INSYN2B: variants seen among roughly 807,000 people sequenced by gnomAD.
The protein encoded by INSYN2B is protein INSYN2B.
Under a neutral mutation model 41.2 loss-of-function variants are expected in INSYN2B, and 16 were observed. That is an observed-to-expected ratio of 0.39 (90% CI 0.26 to 0.59). The LOEUF (loss-of-function observed/expected upper bound fraction) is 0.59. Ranked by LOEUF, INSYN2B falls within the 20% of genes least tolerant of loss-of-function variation. The probability of loss-of-function intolerance (pLI) is 0.57; values close to 1 mark genes in which losing one functional copy is unlikely to be tolerated. For synonymous variants in INSYN2B, 245 were observed against 244.4 expected, an observed-to-expected ratio of 1.00 and a Z score of -0.02; for missense variants, 608 against 646.4, an observed-to-expected ratio of 0.94 and a Z score of 0.64.
At chr5:169,888,521 T>C (rs1456025320) in intron 1 of INSYN2B, among the ~76,000 whole-genome samples, 1 of 152,204 alleles carries the variant, frequency 6.6e-6, no homozygotes, top group African/African-American at 2.4e-5. Flanking sequence ...GTCCATTCAG[T>C]AGATACAGAA....
chr5:169,944,448 G>A (rs1351834382), intron 1 of INSYN2B, among the ~76,000 whole-genome samples: 3 of 152,220 alleles, frequency 2.0e-5, no homozygotes, highest in Non-Finnish European at 4.4e-5. Context: ...CGTGACTCTG[G>A]AGAGATGCTG....
At chr5:169,903,512 T>G (rs1581389898) in intron 1 of INSYN2B, among the ~76,000 whole-genome samples, 2 of 100,586 alleles carry the variant, frequency 2.0e-5, no homozygotes, top group African/African-American at 4.1e-5. Flanking sequence ...TGGAAGAGAG[T>G]AGGAGCCAGC....
intron 3 of INSYN2B, among the ~76,000 whole-genome samples, chr5:169,865,250 C>T (rs1028010930): frequency 1.3e-5 from 2 of 152,116 alleles, no homozygotes; most frequent in Non-Finnish European, 2.9e-5. Context: ...TGCATTGTCC[C>T]GTGCTGATTA....
intron 1 of INSYN2B, among the ~76,000 whole-genome samples, chr5:169,974,816 C>T (rs1002421703): frequency 1.3e-5 from 2 of 151,930 alleles, no homozygotes; most frequent in African/African-American, 4.8e-5. Context: ...GTTCTTTTTG[C>T]AATCATATTT....
chr5:169,889,847 C>T (rs1396521964), intron 1 of INSYN2B, among the ~76,000 whole-genome samples: 1 of 152,224 alleles, frequency 6.6e-6, no homozygotes, highest in African/African-American at 2.4e-5. Context: ...CCGCTTTAGG[C>T]ACTGGGAAGT....
At position 169,867,423 on chromosome 5, in the gene INSYN2B, G is replaced by A. The variant is rs190438137; in HGVS notation, c.1422-2964C>T. Among the ~76,000 whole-genome samples, 60 of 148,526 alleles carry A rather than the reference G, an allele frequency of 4.0e-4. 1 individual carries two copies. In the East Asian group the frequency reaches 0.011, roughly 28 times the overall value. ...TGAAAACCTCTCTGTCTGTCTGTCTGTCTGTCTGTCTGTCTATCTATCTAT... is the reference window on the plus strand; with the variant it reads ...TGAAAACCTCTCTGTCTGTCTGTCTATCTGTCTGTCTGTCTATCTATCTAT... On this transcript the variant is annotated intron_variant, in intron 3 of 3. Transcript: ENST00000377365.
intron 1 of INSYN2B, among the ~76,000 whole-genome samples, chr5:169,929,771 GAGAA>G (rs1435724391): frequency 2.0e-5 from 3 of 150,410 alleles, no homozygotes; most frequent in African/African-American, 4.9e-5. Context: ...AAGAGAGAGA[GAGAA>G]AGAAGCTATC....
chr5:169,916,955 C>A (rs1478269363), intron 1 of INSYN2B, among the ~76,000 whole-genome samples: 1 of 152,138 alleles, frequency 6.6e-6, no homozygotes, highest in Non-Finnish European at 1.5e-5. Context: ...ATGCAAATAG[C>A]CATCGTCATT....
At chr5:169,932,853 C>T (rs1775819014) in intron 1 of INSYN2B, among the ~76,000 whole-genome samples, 1 of 150,410 alleles carries the variant, frequency 6.6e-6, no homozygotes, top group Admixed American at 6.6e-5. Flanking sequence ...ATCATAATTT[C>T]CCAGGGCCAA....
intron 1 of INSYN2B, among the ~76,000 whole-genome samples, chr5:169,940,091 G>A (rs1407783620): frequency 2.0e-5 from 3 of 152,200 alleles, no homozygotes; most frequent in Non-Finnish European, 1.5e-5. Context: ...GTGGGGAGAG[G>A]GGTGATTAGG....
At chr5:169,958,447 C>T (rs1450686537) in intron 1 of INSYN2B, among the ~76,000 whole-genome samples, 2 of 152,174 alleles carry the variant, frequency 1.3e-5, no homozygotes, top group Non-Finnish European at 2.9e-5. Flanking sequence ...TTAGAATGTT[C>T]TGCTTGAAAA....
chr5:169,961,989 A>AAAAAAATAAAAAAAAAT (rs1777107684), intron 1 of INSYN2B, among the ~76,000 whole-genome samples: 1 of 149,928 alleles, frequency 6.7e-6, no homozygotes. Flanking sequence ...AAAAAAAAAA[A>AAAAAAATAAAAAAAAAT]AAAAAATGGA....
chr5:169,916,588 CA>C (rs1451035032), intron 1 of INSYN2B, among the ~76,000 whole-genome samples: 2 of 152,186 alleles, frequency 1.3e-5, no homozygotes, highest in Non-Finnish European at 2.9e-5. Flanking sequence ...GTACCTCCTT[CA>C]TAGGATGAAA....
Position 169,980,336 on chromosome 5 carries a change from C to T in INSYN2B, c.-978G>A, listed in dbSNP as rs1385845143. ...CCCCTTCCTTGCACAATGAGCCAGG[C>T]TTTGACCAGCAGCAAAATTACTCCA... is the stretch of plus-strand genomic sequence containing the variant. On this transcript the variant is annotated 5_prime_UTR_variant, in exon 1 of 4. Coordinates refer to ENST00000377365, the MANE Select transcript of INSYN2B (RefSeq NM_001129891.3). 6.6e-6 allele frequency: 1 copy of T among 152,192 alleles called. No homozygotes were observed. Among genetic ancestry groups the T allele is most frequent in the Non-Finnish European group, 1.5e-5 (1 of 68,036 alleles). 9.4% of individuals were successfully genotyped at this position (152,192 alleles called of 1,614,324 possible).
At chr5:169,978,308 C>T (rs1777791952) in intron 1 of INSYN2B, among the ~76,000 whole-genome samples, 1 of 144,648 alleles carries the variant, frequency 6.9e-6, no homozygotes. Context: ...GTTTGTTTCC[C>T]AAGGCAAGGC....
chr5:169,973,549 A>G (rs189074007), intron 1 of INSYN2B, among the ~76,000 whole-genome samples: 1 of 152,296 alleles, frequency 6.6e-6, no homozygotes, highest in Non-Finnish European at 1.5e-5. Flanking sequence ...AAGAGGTAAA[A>G]TAATTTGTCC....
chr5:169,969,040 C>T (rs540008159), intron 1 of INSYN2B, among the ~76,000 whole-genome samples: 1 of 152,270 alleles, frequency 6.6e-6, no homozygotes, highest in Non-Finnish European at 1.5e-5. Context: ...GTCGCAGCTT[C>T]TCTGGAGGCT....
chr5:169,916,981 G>C (rs1774908981), intron 1 of INSYN2B, among the ~76,000 whole-genome samples: 1 of 152,124 alleles, frequency 6.6e-6, no homozygotes, highest in Admixed American at 6.5e-5. Flanking sequence ...TCCAAATCCA[G>C]GACTGAATTC....
At chr5:169,891,999 AAAAAAAAAAAAAAG>A (rs1773320597) in intron 1 of INSYN2B, among the ~76,000 whole-genome samples, 1 of 150,408 alleles carries the variant, frequency 6.6e-6, no homozygotes, top group South Asian at 2.1e-4. Context: ...CCGTCCCAAA[AAAAAAAAAAAAAAG>A]AAAAAGAAAA....
Sources: allele counts gnomAD v4.1 joint callset (sites outside exome capture counted in the v4.1 genomes callset), GRCh38; gene constraint gnomAD v4.1.1; transcripts MANE v1.5; gene names NCBI Gene and HGNC (gene_info 2026-07-23, HGNC 2026-07-21).